Variants in THEM4 observed in about 807,000 individuals in gnomAD.
THEM4 encodes the protein thioesterase superfamily member 4.
A neutral mutation model predicts 25.0 loss-of-function variants in THEM4; 22 were observed. The ratio of observed to expected loss-of-function variants is 0.88; its 90% CI spans 0.63 to 1.26. The LOEUF is 1.26. Ranked by LOEUF, THEM4 falls within the 50% of genes most tolerant of loss-of-function variation. The pLI, the probability that THEM4 is intolerant of heterozygous loss-of-function variation, is 0.00. For missense variants in THEM4, 286 were observed against 300.3 expected, an observed-to-expected ratio of 0.95 and a Z score of 0.35; for synonymous variants, 113 against 105.6, an observed-to-expected ratio of 1.07 and a Z score of -0.43.
At chr1:151,893,391 A>AC (rs1553300628) in intron 2 of THEM4, among the ~76,000 whole-genome samples, 1 of 140,434 alleles carries the variant, frequency 7.1e-6, no homozygotes, top group Non-Finnish European at 1.5e-5. Context: ...AACAAAAAAA[A>AC]CAAAAAAACA....
intron 2 of THEM4, chr1:151,890,938 T>C (rs555163112): frequency 6.6e-6 from 1 of 152,204 alleles, no homozygotes; most frequent in Admixed American, 6.5e-5. Flanking sequence ...TGCTTATAAT[T>C]GTTTTACTTA....
chr1:151,873,105 C>T lies in THEM4; in HGVS notation c.*1783G>A, dbSNP rs116601909. Among the ~76,000 whole-genome samples, 4,761 of 152,224 alleles carry T rather than the reference C, an allele frequency of 0.031. 267 individuals carry two copies. Among genetic ancestry groups the T allele is most frequent in the African/African-American group, 0.11 (4,536 of 41,508 alleles). ...TGTGGCTGGAGCCAAGATACGCTGG[C>T]GGCAATGCTGCTGTTACTCTTTGCT... On this transcript the variant is annotated 3_prime_UTR_variant, in exon 6 of 6. Coordinates refer to ENST00000368814, the MANE Select transcript of THEM4 (RefSeq NM_053055.5).
chr1:151,905,169 C>A (rs1301650404), intron 1 of THEM4, among the ~76,000 whole-genome samples: 1 of 152,158 alleles, frequency 6.6e-6, no homozygotes, highest in Non-Finnish European at 1.5e-5. Flanking sequence ...CTCCCACCAG[C>A]CTTTGACTGG....
At chr1:151,889,527 A>C in intron 2 of THEM4, 154 bp from the exon 3 acceptor site, 1 of 646,062 alleles carries the variant, frequency 1.5e-6, no homozygotes, top group Non-Finnish European at 2.6e-6. Flanking sequence ...GGAGCGTCTC[A>C]ATGAAACAGA....
At chr1:151,899,472 C>CA (rs1381014334) in intron 1 of THEM4, among the ~76,000 whole-genome samples, 7 of 114,126 alleles carry the variant, frequency 6.1e-5, no homozygotes, top group Non-Finnish European at 8.5e-5. Flanking sequence ...GCCTGGGCGA[C>CA]AGAGTGAGTC....
chr1:151,875,030 C>G (rs969130680), intron 5 of THEM4, 102 bp from the exon 6 acceptor site: 3 of 961,098 alleles, frequency 3.1e-6, no homozygotes, highest in Non-Finnish European at 5.0e-6. Context: ...ATTTGATTCA[C>G]ATTTGTAGCT....
chr1:151,897,462 C>T (rs545561902), intron 1 of THEM4, among the ~76,000 whole-genome samples: 46 of 152,308 alleles, frequency 3.0e-4, no homozygotes, highest in African/African-American at 1.0e-3. Context: ...CCTCGAACAT[C>T]GGACTCCAGG....
At chr1:151,895,257 C>G (rs1654199452) in intron 1 of THEM4, 63 bp from the exon 2 acceptor site, 2 of 1,320,598 alleles carry the variant, frequency 1.5e-6, no homozygotes, top group Admixed American at 2.5e-5. Flanking sequence ...ATAACATATT[C>G]TCCCAATTTC....
intron 1 of THEM4, among the ~76,000 whole-genome samples, chr1:151,904,462 G>A (rs193108186): frequency 4.6e-5 from 7 of 152,292 alleles, no homozygotes; most frequent in Middle Eastern, 3.4e-3. Flanking sequence ...AAGAAGTGGC[G>A]TCTTTAAAGA....
intron 2 of THEM4, 115 bp from the exon 3 acceptor site, chr1:151,889,488 G>C (rs1654043438): frequency 9.3e-7 from 1 of 1,073,032 alleles, no homozygotes; most frequent in Non-Finnish European, 1.3e-6. Flanking sequence ...TGATTCAAAT[G>C]TCCACAGGGT....
At chr1:151,891,790 T>G (rs1233605056) in intron 2 of THEM4, among the ~76,000 whole-genome samples, 2 of 152,020 alleles carry the variant, frequency 1.3e-5, no homozygotes, top group African/African-American at 4.8e-5. Context: ...AGCCACTGTG[T>G]AGATGCTCGA....
intron 1 of THEM4, among the ~76,000 whole-genome samples, chr1:151,897,838 T>C (rs555226112): frequency 1.3e-5 from 2 of 152,276 alleles, no homozygotes; most frequent in East Asian, 1.9e-4. Context: ...GAAGCTGGTC[T>C]GTCTGCAGGA....
intron 4 of THEM4, among the ~76,000 whole-genome samples, chr1:151,880,386 G>A (rs1040784406): frequency 5.3e-5 from 8 of 151,980 alleles, no homozygotes; most frequent in Admixed American, 2.0e-4. Flanking sequence ...GCTGAGACAG[G>A]AGAATTGCTT....
intron 1 of THEM4, among the ~76,000 whole-genome samples, chr1:151,904,183 T>G (rs1654409484): frequency 6.6e-6 from 1 of 152,090 alleles, no homozygotes; most frequent in African/African-American, 2.4e-5. Flanking sequence ...ATTGGGGAAC[T>G]GCTAGGGTTT....
rs1653590918 is a variant in THEM4 at position 151,873,066 on chromosome 1, G to A, written c.*1822C>T. Among the ~76,000 whole-genome samples the A allele has an allele frequency of 6.6e-6, 1 of 152,174 alleles. No individual in the cohort carries two copies. Among genetic ancestry groups the A allele is most frequent in the African/African-American group, 2.4e-5 (1 of 41,442 alleles). ...CCTATGTTCGTTCCATTCTGAGATA[G>A]GAGAAAACCACCCTGTGGCTGGAGC... On this transcript the variant is annotated 3_prime_UTR_variant, in exon 6 of 6. Coordinates refer to ENST00000368814, the MANE Select transcript of THEM4 (RefSeq NM_053055.5).
chr1:151,904,955 G>C (rs1364329765), intron 1 of THEM4, among the ~76,000 whole-genome samples: 1 of 152,166 alleles, frequency 6.6e-6, no homozygotes, highest in Non-Finnish European at 1.5e-5. Flanking sequence ...TGTAGAAATA[G>C]AAATAATAAA....
At chr1:151,904,725 G>A (rs1654419700) in intron 1 of THEM4, among the ~76,000 whole-genome samples, 1 of 152,146 alleles carries the variant, frequency 6.6e-6, no homozygotes, top group South Asian at 2.1e-4. Context: ...TAGGACATTG[G>A]GACTGAGGGA....
chr1:151,877,159 T>G, intron 4 of THEM4, 34 bp from the exon 5 acceptor site: 1 of 1,584,252 alleles, frequency 6.3e-7, no homozygotes, highest in Non-Finnish European at 8.6e-7. Flanking sequence ...AAAAAATCAG[T>G]TTTTATCTGA....
In THEM4 at chr1:151,874,094, C is replaced by G. The variant is rs1167757144; in HGVS notation, c.*794G>C. Reference sequence around the variant, plus strand: ...GTGGTTTAATCTCTAGAATCTCAGACAACAGATTTGAGGTATTCATTCCTA... The same window carrying G: ...GTGGTTTAATCTCTAGAATCTCAGAGAACAGATTTGAGGTATTCATTCCTA... On this transcript the variant is annotated 3_prime_UTR_variant, in exon 6 of 6. Transcript: ENST00000368814. 2.0e-5 allele frequency: 3 copies of G among 152,212 alleles called. No individual in the cohort carries two copies. The highest frequency in any genetic ancestry group is 3.9e-4 in the East Asian group (2 of 5,192). 9.4% of individuals were successfully genotyped at this position (152,212 alleles called of 1,614,324 possible).
Sources: allele counts gnomAD v4.1 joint callset (sites outside exome capture counted in the v4.1 genomes callset), GRCh38; gene constraint gnomAD v4.1.1; transcripts MANE v1.5; gene names NCBI Gene and HGNC (gene_info 2026-07-23, HGNC 2026-07-21).